Variants in ZCCHC7 observed in about 807,000 individuals in gnomAD.
ZCCHC7 encodes zinc finger CCHC-type containing 7.
A neutral mutation model predicts 52.0 loss-of-function variants in ZCCHC7; 35 were observed. That is an observed-to-expected ratio of 0.67 (90% CI 0.51 to 0.89). ZCCHC7 has a LOEUF of 0.89. Among genes scored for constraint, ZCCHC7 ranks in the 40% least tolerant of loss-of-function variants. The pLI is 0.00. For missense variants in ZCCHC7, 574 were observed against 649.1 expected (o/e 0.88, Z 1.26); for synonymous variants, 217 against 221.5 (o/e 0.98, Z 0.18).
chr9:37,209,305 G>T (rs1169954523), intron 2 of ZCCHC7, among the ~76,000 whole-genome samples: 2 of 152,146 alleles, frequency 1.3e-5, no homozygotes, highest in African/African-American at 4.8e-5. Context: ...CTCCCACAGT[G>T]CTGGGATTAC....
intron 2 of ZCCHC7, among the ~76,000 whole-genome samples, chr9:37,173,282 T>C (rs1464058111): frequency 1.3e-5 from 2 of 152,242 alleles, no homozygotes; most frequent in African/African-American, 4.8e-5. Context: ...GAGTTCCTTC[T>C]CTTTCAACCT....
intron 2 of ZCCHC7, among the ~76,000 whole-genome samples, chr9:37,211,325 C>A (rs1824201882): frequency 1.3e-5 from 2 of 152,038 alleles, no homozygotes; most frequent in Admixed American, 1.3e-4. Flanking sequence ...ATTCAGCATA[C>A]ATATGGTTTT....
At chr9:37,203,401 A>G (rs905193215) in intron 2 of ZCCHC7, among the ~76,000 whole-genome samples, 2 of 152,144 alleles carry the variant, frequency 1.3e-5, no homozygotes, top group Non-Finnish European at 2.9e-5. Flanking sequence ...TCCTGCACCT[A>G]TCAACCTGTC....
chr9:37,254,364 A>G (rs1462775312), intron 2 of ZCCHC7, among the ~76,000 whole-genome samples: 1 of 152,034 alleles, frequency 6.6e-6, no homozygotes, highest in Non-Finnish European at 1.5e-5. Flanking sequence ...GTGTTTATTT[A>G]CAAAGAGTTG....
In ZCCHC7 at chr9:37,304,274, C is replaced by T; in HGVS notation, c.741C>T (p.Asp247=). 1 of 1,613,908 alleles carries T rather than the reference C, an allele frequency of 6.2e-7. No homozygotes were observed. The highest frequency in any genetic ancestry group is 8.5e-7 in the Non-Finnish European group (1 of 1,179,886). The change falls in exon 4 of 9, where the codon GAC becomes GAT. Residue 247 remains aspartate (D), a synonymous_variant. Coordinates refer to ENST00000336755, the MANE Select transcript of ZCCHC7 (RefSeq NM_032226.3). Reference sequence around the variant, plus strand: ...AAAACATTATCTGTAGAAATTGTGACAAACGTGGTCATTTATCAAAAAACT... The same window carrying T: ...AAAACATTATCTGTAGAAATTGTGATAAACGTGGTCATTTATCAAAAAACT... The part of the protein sequence containing the change: ...ANKNIICRNC[D]KRGHLSKNCP...
chr9:37,291,612 A>G (rs895326980), intron 2 of ZCCHC7, among the ~76,000 whole-genome samples: 1 of 152,200 alleles, frequency 6.6e-6, no homozygotes, highest in African/African-American at 2.4e-5. Flanking sequence ...ATTTTTTTTC[A>G]ATTGATCATT....
chr9:37,352,830 C>T (rs892711616), intron 7 of ZCCHC7, among the ~76,000 whole-genome samples: 30 of 151,802 alleles, frequency 2.0e-4, no homozygotes, highest in African/African-American at 7.3e-4. Context: ...CTGCCAAAAG[C>T]GTTTCTTTAT....
At chr9:37,187,761 G>A (rs1822743502) in intron 2 of ZCCHC7, among the ~76,000 whole-genome samples, 1 of 151,932 alleles carries the variant, frequency 6.6e-6, no homozygotes, top group Non-Finnish European at 1.5e-5. Context: ...GCCCTGTTTT[G>A]TGTTGGGTGT....
intron 2 of ZCCHC7, among the ~76,000 whole-genome samples, chr9:37,207,034 G>T (rs892403559): frequency 3.3e-5 from 5 of 152,202 alleles, no homozygotes; most frequent in African/African-American, 1.2e-4. Context: ...GCTGAGAAGG[G>T]AGGATCGCTT....
In ZCCHC7 at chr9:37,354,265, T is replaced by C. The variant is rs958053465; in HGVS notation, c.1084-445T>C. On this transcript the variant is annotated intron_variant, in intron 7 of 8. Transcript: ENST00000336755. This position sits in a 1 kb window ranked among gnomAD's most constrained non-coding sequence, Gnocchi z 4.0. Reference sequence around the variant, plus strand: ...AACCATTTGTCTCTAGAAAAAAAGATCAAAGGGCTTAGAACTTATACCCAC... The same window carrying C: ...AACCATTTGTCTCTAGAAAAAAAGACCAAAGGGCTTAGAACTTATACCCAC... Among the ~76,000 whole-genome samples, 3 of 151,956 alleles carry C rather than the reference T, an allele frequency of 2.0e-5. 1 individual carries two copies. The highest frequency in any genetic ancestry group is 4.4e-5 in the Non-Finnish European group (3 of 67,992).
At chr9:37,307,985 CT>C (rs1183553433) in intron 5 of ZCCHC7, among the ~76,000 whole-genome samples, 1 of 152,100 alleles carries the variant, frequency 6.6e-6, no homozygotes, top group East Asian at 1.9e-4. Flanking sequence ...ATGTATCTAC[CT>C]ACCAGCAGTG....
chr9:37,201,371 CCTTT>C (rs1823622486), intron 2 of ZCCHC7, among the ~76,000 whole-genome samples: 2 of 152,290 alleles, frequency 1.3e-5, no homozygotes, highest in African/African-American at 4.8e-5. Flanking sequence ...TTCTTTTCTT[CCTTT>C]ATTGTCAGCA....
rs113031594 is a variant in ZCCHC7 at position 37,151,067 on chromosome 9, C to T, written c.610+24125C>T. Among the ~76,000 whole-genome samples, 645 of 151,386 alleles carry T rather than the reference C, an allele frequency of 4.3e-3. 3 individuals are homozygous for T. Among genetic ancestry groups the T allele is most frequent in the African/African-American group, 0.015 (617 of 41,252 alleles). On this transcript the variant is annotated intron_variant, in intron 2 of 8. Coordinates refer to ENST00000336755, the MANE Select transcript of ZCCHC7 (RefSeq NM_032226.3). ...GCAAGCTCCGCCTCCCGGGTTTACG[C>T]CATTCTCCTGCCTAAGCCTCCCGAG...
chr9:37,223,880 G>C (rs1421639672), intron 2 of ZCCHC7, among the ~76,000 whole-genome samples: 1 of 151,882 alleles, frequency 6.6e-6, no homozygotes, highest in Admixed American at 6.6e-5. Context: ...TGAAAATATA[G>C]GTAGTAAAAC....
intron 5 of ZCCHC7, among the ~76,000 whole-genome samples, chr9:37,318,877 A>G (rs1829937799): frequency 6.7e-6 from 1 of 148,178 alleles, no homozygotes; most frequent in African/African-American, 2.5e-5. Flanking sequence ...CAGGAGGTGG[A>G]GGTTGCAGTG....
chr9:37,193,632 T>A (rs993174986), intron 2 of ZCCHC7, among the ~76,000 whole-genome samples: 5 of 151,922 alleles, frequency 3.3e-5, no homozygotes, highest in Middle Eastern at 3.4e-3. Flanking sequence ...AAAAAAAAAA[T>A]TGTGTTAATA....
intron 2 of ZCCHC7, among the ~76,000 whole-genome samples, chr9:37,283,346 T>C (rs62533798): frequency 0.13 from 20,422 of 152,156 alleles, 1,699 homozygotes; most frequent in Non-Finnish European, 0.17. Flanking sequence ...AATTGTAAAT[T>C]AAACTTTCTG....
chr9:37,191,397 C>G lies in ZCCHC7; in HGVS notation c.610+64455C>G, dbSNP rs147110139. 2.6e-5 allele frequency among the ~76,000 whole-genome samples: 4 copies of G among 151,880 alleles called. No individual in the cohort carries two copies. In the East Asian group the frequency reaches 7.7e-4, roughly 29 times the overall value. Reference sequence around the variant, plus strand: ...AACATTTTTTGTCATATTTTTTCTCCTTTCTCTTTTATATTTCTTACCTTT... The same window carrying G: ...AACATTTTTTGTCATATTTTTTCTCGTTTCTCTTTTATATTTCTTACCTTT... On this transcript the variant is annotated intron_variant, in intron 2 of 8. Coordinates refer to ENST00000336755, the MANE Select transcript of ZCCHC7 (RefSeq NM_032226.3).
intron 2 of ZCCHC7, among the ~76,000 whole-genome samples, chr9:37,252,698 T>G (rs550506331): frequency 6.6e-6 from 1 of 152,272 alleles, no homozygotes; most frequent in African/African-American, 2.4e-5. Flanking sequence ...TCAACCCAAT[T>G]TAAGTCACCC....
Sources: allele counts gnomAD v4.1 joint callset (sites outside exome capture counted in the v4.1 genomes callset), GRCh38; gene constraint gnomAD v4.1.1; non-coding constraint Gnocchi (gnomAD v3.1); transcripts MANE v1.5; gene names NCBI Gene and HGNC (gene_info 2026-07-23, HGNC 2026-07-21).